STARD13: variants seen among roughly 807,000 people sequenced by gnomAD.
STARD13 encodes StAR related lipid transfer domain containing 13.
In STARD13, 62 loss-of-function variants were observed where a neutral mutation model predicts 106.4. The ratio of observed to expected loss-of-function variants is 0.58; its 90% CI spans 0.48 to 0.72. The LOEUF (loss-of-function observed/expected upper bound fraction) is 0.72. Ranked by LOEUF, STARD13 falls within the 30% of genes least tolerant of loss-of-function variation. STARD13 has a pLI of 0.00. For synonymous variants in STARD13, 565 were observed against 553.0 expected (o/e 1.02, Z -0.31); for missense variants, 1,387 against 1,424.0 (o/e 0.97, Z 0.42).
chr13:33,184,175 C>T lies in STARD13; in HGVS notation c.170-16553G>A, dbSNP rs551683831. Among the ~76,000 whole-genome samples the T allele has an allele frequency of 2.6e-4, 40 of 152,316 alleles. No individual in the cohort carries two copies. In the South Asian group the frequency reaches 8.3e-3, roughly 32 times the overall value. ...CTTCTGATAATTATAGCCACCTCCA[C>T]TCTATGATCTCTGGCCATCTTGAAT... On this transcript the variant is annotated intron_variant, in intron 1 of 13. Transcript: ENST00000336934.
chr13:33,111,759 G>C lies in STARD13; in HGVS notation c.2607+19C>G. 5 of 1,534,340 alleles carry C rather than the reference G, an allele frequency of 3.3e-6. No homozygotes were observed. In the South Asian group the frequency reaches 4.5e-5, roughly 14 times the overall value. ...TCCAAGAGCTACTAGGGAGGCGGAG[G>C]TTCGAGCCTTTTGCTCACCTCAAAA... On this transcript the variant is annotated intron_variant, in intron 10 of 13. Coordinates refer to ENST00000336934, the MANE Select transcript of STARD13 (RefSeq NM_178006.4).
At chr13:33,528,567 G>C in the STARD13 span, among the ~76,000 whole-genome samples, 33,813 of 151,284 alleles carry the variant, frequency 0.22, 6,154 homozygotes, top group African/African-American at 0.5. Flanking sequence ...GTCACCACAC[G>C]CAGCCCTGAG....
chr13:33,507,905 T>TGAG, the STARD13 span, among the ~76,000 whole-genome samples: 1 of 151,906 alleles, frequency 6.6e-6, no homozygotes, highest in Non-Finnish European at 1.5e-5. Flanking sequence ...TTGAGTAAGC[T>TGAG]GAGGAGGAGG....
intron 1 of STARD13, among the ~76,000 whole-genome samples, chr13:33,179,798 T>A (rs1476844244): frequency 6.6e-6 from 1 of 152,172 alleles, no homozygotes; most frequent in Non-Finnish European, 1.5e-5. Context: ...GCATTTTGGA[T>A]AAGATGACCA....
chr13:33,422,550 A>T, the STARD13 span, among the ~76,000 whole-genome samples: 14 of 152,232 alleles, frequency 9.2e-5, no homozygotes, highest in Non-Finnish European at 1.5e-5. Context: ...TGCCATCCCC[A>T]TCAAACTACC....
chr13:33,143,650 C>T lies in STARD13; in HGVS notation c.324-1277G>A, dbSNP rs558823103. Among the ~76,000 whole-genome samples the T allele has an allele frequency of 2.6e-5, 4 of 152,264 alleles. No individual in the cohort carries two copies. The East Asian group carries it at 5.8e-4, about 22-fold the overall frequency. ...CTCACTGCAAACTCTGCCTCCCAGG[C>T]TCGAGCAATTCTCCTGCCTCAGCCT... On this transcript the variant is annotated intron_variant, in intron 3 of 13. Coordinates refer to ENST00000336934, the MANE Select transcript of STARD13 (RefSeq NM_178006.4).
chr13:33,460,444 T>C, the STARD13 span, among the ~76,000 whole-genome samples: 3 of 150,484 alleles, frequency 2.0e-5, no homozygotes, highest in East Asian at 3.9e-4. Context: ...TGAGCCGAGA[T>C]AGTGCCACTG....
chr13:33,494,037 C>T, the STARD13 span, among the ~76,000 whole-genome samples: 1 of 152,032 alleles, frequency 6.6e-6, no homozygotes, highest in Non-Finnish European at 1.5e-5. Context: ...ATCAAGATAC[C>T]TGATTACCCA....
At chr13:33,668,497 C>G in the STARD13 span, among the ~76,000 whole-genome samples, 1 of 152,128 alleles carries the variant, frequency 6.6e-6, no homozygotes, top group Admixed American at 6.5e-5. Context: ...TGATAGTATT[C>G]ACTTAAAATT....
At chr13:33,579,475 G>T in the STARD13 span, among the ~76,000 whole-genome samples, 1 of 151,892 alleles carries the variant, frequency 6.6e-6, no homozygotes, top group African/African-American at 2.4e-5. Flanking sequence ...TGGTATAATG[G>T]ATATTGGAGA....
chr13:33,432,449 C>T, the STARD13 span, among the ~76,000 whole-genome samples: 1 of 152,050 alleles, frequency 6.6e-6, no homozygotes, highest in Admixed American at 6.5e-5. Context: ...GACAATTGCA[C>T]GGTTGCCTGG....
At chr13:33,136,166 C>T (rs61941377) in intron 4 of STARD13, among the ~76,000 whole-genome samples, 49,450 of 151,726 alleles carry the variant, frequency 0.33, 8,742 homozygotes, top group Non-Finnish European at 0.41. Flanking sequence ...AGTCAAAGTG[C>T]TTGTTCAAAG....
chr13:33,358,960 G>A, the STARD13 span, among the ~76,000 whole-genome samples: 1 of 152,278 alleles, frequency 6.6e-6, no homozygotes, highest in Admixed American at 6.5e-5. Flanking sequence ...CTAATCTGAT[G>A]GGGACGTGGA....
intron 9 of STARD13, among the ~76,000 whole-genome samples, 179 bp downstream of exon 9, chr13:33,112,542 A>G (rs1874738287): frequency 6.6e-6 from 1 of 152,032 alleles, no homozygotes; most frequent in African/African-American, 2.4e-5. Context: ...TCTATGTATC[A>G]ACTATCTATC....
At chr13:33,188,612 G>A (rs1184045513) in intron 1 of STARD13, among the ~76,000 whole-genome samples, 4 of 152,160 alleles carry the variant, frequency 2.6e-5, no homozygotes, top group African/African-American at 7.2e-5. Flanking sequence ...ACCACACTAA[G>A]ATAGTGAAAC....
the STARD13 span, among the ~76,000 whole-genome samples, chr13:33,583,534 A>G: frequency 6.6e-6 from 1 of 152,108 alleles, no homozygotes; most frequent in African/African-American, 2.4e-5. Context: ...CTTTTGACTA[A>G]CAGGGTTTTT....
At chr13:33,490,960 C>A in the STARD13 span, among the ~76,000 whole-genome samples, 1 of 152,230 alleles carries the variant, frequency 6.6e-6, no homozygotes, top group Non-Finnish European at 1.5e-5. Flanking sequence ...CTCCTCCTCT[C>A]ACAAGGGGTC....
At chr13:33,477,779 C>A in the STARD13 span, among the ~76,000 whole-genome samples, 2 of 151,484 alleles carry the variant, frequency 1.3e-5, no homozygotes, top group African/African-American at 4.9e-5. Context: ...GTACTGAAAC[C>A]AGCCCAATTA....
the STARD13 span, among the ~76,000 whole-genome samples, chr13:33,578,159 T>C: frequency 6.6e-6 from 1 of 152,080 alleles, no homozygotes; most frequent in African/African-American, 2.4e-5. Flanking sequence ...AATCCTAAAA[T>C]TCATATGGAA....
Sources: allele counts gnomAD v4.1 joint callset (sites outside exome capture counted in the v4.1 genomes callset), GRCh38; gene constraint gnomAD v4.1.1; transcripts MANE v1.5; gene names NCBI Gene and HGNC (gene_info 2026-07-23, HGNC 2026-07-21).